Variants in PLD5 observed in about 807,000 individuals in gnomAD.
The protein encoded by PLD5 is inactive phospholipase D5.
In PLD5, 36 loss-of-function variants were observed where a neutral mutation model predicts 61.1. That is an observed-to-expected ratio of 0.59 (90% CI 0.45 to 0.78). PLD5 has a LOEUF of 0.78. PLD5 is among the 30% of genes least tolerant of loss of function. The pLI, the probability that PLD5 is intolerant of heterozygous loss-of-function variation, is 0.00. For missense variants in PLD5, 515 were observed against 644.4 expected, an observed-to-expected ratio of 0.80 and a Z score of 2.17; for synonymous variants, 243 against 242.8, an observed-to-expected ratio of 1.00 and a Z score of -0.01.
intron 5 of PLD5, among the ~76,000 whole-genome samples, chr1:242,195,305 A>T (rs1668567658): frequency 6.6e-6 from 1 of 152,184 alleles, no homozygotes; most frequent in Non-Finnish European, 1.5e-5. Context: ...TGAGAAGTCT[A>T]TGTGGGGTTT....
chr1:242,482,100 A>T (rs1470126846), intron 1 of PLD5, among the ~76,000 whole-genome samples: 1 of 152,226 alleles, frequency 6.6e-6, no homozygotes, highest in Non-Finnish European at 1.5e-5. Flanking sequence ...AAAACCACAA[A>T]GATGGGGAAA....
At chr1:242,288,189 G>A (rs1476626373) in intron 3 of PLD5, among the ~76,000 whole-genome samples, 173 bp downstream of exon 3, 1 of 152,222 alleles carries the variant, frequency 6.6e-6, no homozygotes, top group African/African-American at 2.4e-5. Flanking sequence ...TAGGAGCTGA[G>A]TGACATATGA....
chr1:242,445,050 ATT>A (rs1666465867), intron 1 of PLD5, among the ~76,000 whole-genome samples: 1 of 152,116 alleles, frequency 6.6e-6, no homozygotes, highest in Non-Finnish European at 1.5e-5. Context: ...TGGTGTGAAT[ATT>A]TGTTTCTCCC....
intron 4 of PLD5, among the ~76,000 whole-genome samples, chr1:242,230,893 T>C (rs1671257636): frequency 6.6e-6 from 1 of 152,198 alleles, no homozygotes. Flanking sequence ...CATATATTTG[T>C]CTTATGACTA....
At chr1:242,326,891 A>G (rs1041859388) in intron 2 of PLD5, among the ~76,000 whole-genome samples, 1 of 150,848 alleles carries the variant, frequency 6.6e-6, no homozygotes, top group Non-Finnish European at 1.5e-5. Flanking sequence ...TCCGAGACAG[A>G]GTCTCATTCT....
intron 2 of PLD5, among the ~76,000 whole-genome samples, chr1:242,306,145 G>A (rs549861828): frequency 9.2e-5 from 14 of 151,892 alleles, no homozygotes; most frequent in Non-Finnish European, 1.6e-4. Flanking sequence ...AACTAGCTGG[G>A]ACAAACACAT....
chr1:242,113,787 A>G (rs971345558), intron 7 of PLD5, 103 bp downstream of exon 7: 1 of 1,391,654 alleles, frequency 7.2e-7, no homozygotes, highest in African/African-American at 1.4e-5. Context: ...TCCTAAGGCA[A>G]CCTGATGGCA....
At position 242,231,362 on chromosome 1, in the gene PLD5, G is replaced by A. The variant is rs539389497; in HGVS notation, c.608-11247C>T. ...CACGGAGAGAAGGCAGCCTCTTAGA[G>A]CCCAGCACAGTTGCAGTGCCAGGGA... On this transcript the variant is annotated intron_variant, in intron 4 of 9. Coordinates refer to ENST00000536534, the MANE Select transcript of PLD5 (RefSeq NM_001372062.1). 1.2e-4 allele frequency among the ~76,000 whole-genome samples: 18 copies of A among 152,308 alleles called. No homozygotes were observed. In the South Asian group the frequency reaches 3.1e-3, roughly 26 times the overall value.
chr1:242,262,612 G>A (rs926610785), intron 4 of PLD5, among the ~76,000 whole-genome samples: 1 of 152,086 alleles, frequency 6.6e-6, no homozygotes, highest in Non-Finnish European at 1.5e-5. Flanking sequence ...CCTGAAATAA[G>A]GCAGGTATGT....
rs1204364701 is a variant in PLD5, at chr1:242,524,200, G to A, written c.77C>T (p.Pro26Leu). 1 of 1,533,842 alleles carries A rather than the reference G, an allele frequency of 6.5e-7. No individual in the cohort carries two copies. The highest frequency in any genetic ancestry group is 2.5e-5 in the East Asian group (1 of 40,460). Residue 26 changes from proline (P) to leucine (L), a missense_variant, in exon 1 of 10, where the codon CCC (proline) becomes CTC (leucine). Around this residue, in one of 2 missense-constraint regions of PLD5, gnomAD observed 65 missense variants for 46.3 expected, o/e 1.40. Coordinates refer to ENST00000536534, the MANE Select transcript of PLD5 (RefSeq NM_001372062.1). ...GFEQMRLKSR[P>L]KEPSPSLTRV... ...GGTCAGGCTTGGGGAGGGCTCCTTG[G>A]GGCGGCTTTTGAGCCTCATCTGCTC...
chr1:242,395,103 A>C lies in PLD5; in HGVS notation c.190-46861T>G, dbSNP rs1324611805. Among the ~76,000 whole-genome samples the C allele has an allele frequency of 6.9e-5, 10 of 145,704 alleles. No individual in the cohort carries two copies. The Admixed American group carries it at 7.0e-4, about 10-fold the overall frequency. ...TATGTATATATATGAATATATATGTATGTATATGAATATATATGTATGTAT... is the reference window on the plus strand; with the variant it reads ...TATGTATATATATGAATATATATGTCTGTATATGAATATATATGTATGTAT... On this transcript the variant is annotated intron_variant, in intron 1 of 9. Coordinates refer to ENST00000536534, the MANE Select transcript of PLD5 (RefSeq NM_001372062.1).
intron 5 of PLD5, among the ~76,000 whole-genome samples, chr1:242,127,913 C>A (rs1407215811): frequency 1.3e-5 from 2 of 152,146 alleles, no homozygotes; most frequent in Non-Finnish European, 2.9e-5. Context: ...GTCCAAAAGG[C>A]AAATTCAGTG....
At chr1:242,255,374 TA>T (rs1435721000) in intron 4 of PLD5, among the ~76,000 whole-genome samples, 1 of 152,124 alleles carries the variant, frequency 6.6e-6, no homozygotes, top group Non-Finnish European at 1.5e-5. Flanking sequence ...AAAACCTAAG[TA>T]AAAAAAGCCT....
At chr1:242,174,905 G>C (rs868763839) in intron 5 of PLD5, among the ~76,000 whole-genome samples, 4 of 152,024 alleles carry the variant, frequency 2.6e-5, no homozygotes, top group African/African-American at 9.7e-5. Flanking sequence ...GTCATGAGGT[G>C]GGGGGAGGGA....
At chr1:242,264,982 C>T (rs1440358328) in intron 4 of PLD5, among the ~76,000 whole-genome samples, 1 of 152,070 alleles carries the variant, frequency 6.6e-6, no homozygotes, top group Non-Finnish European at 1.5e-5. Flanking sequence ...TTTCATTTGG[C>T]AGGCAAGTGA....
intron 1 of PLD5, among the ~76,000 whole-genome samples, chr1:242,494,089 C>A (rs1310569728): frequency 8.8e-6 from 1 of 113,020 alleles, no homozygotes; most frequent in Non-Finnish European, 1.8e-5. Flanking sequence ...CCCTGCCCTC[C>A]CTTCCCCTCT....
At chr1:242,107,576 C>T (rs1470740811) in intron 8 of PLD5, 95 bp downstream of exon 8, 4 of 1,217,942 alleles carry the variant, frequency 3.3e-6, no homozygotes, top group African/African-American at 3.1e-5. Context: ...CTGGTTCTTA[C>T]TGGAACTTTA....
At chr1:242,168,873 C>G (rs1244714620) in intron 5 of PLD5, among the ~76,000 whole-genome samples, 2 of 38,516 alleles carry the variant, frequency 5.2e-5, no homozygotes, top group Non-Finnish European at 8.9e-5. Context: ...TTTTACCACC[C>G]CCCATGATTC....
At chr1:242,395,876 C>T (rs751514877) in intron 1 of PLD5, among the ~76,000 whole-genome samples, 2 of 152,024 alleles carry the variant, frequency 1.3e-5, no homozygotes, top group Non-Finnish European at 2.9e-5. Flanking sequence ...GGTGAAGCCC[C>T]GTCTCTACTA....
Sources: allele counts gnomAD v4.1 joint callset (sites outside exome capture counted in the v4.1 genomes callset), GRCh38; gene constraint gnomAD v4.1.1; regional missense constraint gnomAD v4.1.1; transcripts MANE v1.5; gene names NCBI Gene and HGNC (gene_info 2026-07-23, HGNC 2026-07-21).